NAV3: variants seen among roughly 807,000 people sequenced by gnomAD.
NAV3 encodes the protein neuron navigator 3, also known as pore membrane and/or filament interacting like protein 1.
In NAV3, 87 loss-of-function variants were observed where a neutral mutation model predicts 244.7. The observed-to-expected ratio is 0.36, with a 90% CI of 0.30 to 0.42. The LOEUF (loss-of-function observed/expected upper bound fraction) is 0.42. Ranked by LOEUF, NAV3 falls within the 20% of genes least tolerant of loss-of-function variation. The pLI, the probability that NAV3 is intolerant of heterozygous loss-of-function variation, is 1.00. For missense variants in NAV3, 2,663 were observed against 2,893.3 expected (o/e 0.92, Z 1.83); for synonymous variants, 1,126 against 1,042.2 (o/e 1.08, Z -1.55).
chr12:77,954,722 T>C (rs1317811692), intron 3 of NAV3, among the ~76,000 whole-genome samples: 6 of 152,286 alleles, frequency 3.9e-5, no homozygotes, highest in South Asian at 2.1e-4. Context: ...AACTGCAAAT[T>C]GCTCACATAG....
intron 2 of NAV3, among the ~76,000 whole-genome samples, chr12:77,646,472 CTT>C (rs1168584109): frequency 6.6e-6 from 1 of 152,142 alleles, no homozygotes; most frequent in Non-Finnish European, 1.5e-5. Context: ...TTCTCTCTCT[CTT>C]TCTTTCCCTT....
intron 2 of NAV3, among the ~76,000 whole-genome samples, chr12:77,804,715 AG>A (rs1245135892): frequency 6.6e-6 from 1 of 151,928 alleles, no homozygotes; most frequent in Non-Finnish European, 1.5e-5. Context: ...GAATAAAGTC[AG>A]TGGTAGCTTG....
intron 1 of NAV3, among the ~76,000 whole-genome samples, chr12:77,894,418 T>C (rs756983852): frequency 3.3e-5 from 5 of 152,162 alleles, no homozygotes; most frequent in African/African-American, 4.8e-5. Context: ...AATGTAATAA[T>C]TTAGATTTGC....
At position 78,178,049 on chromosome 12, in the gene NAV3, T is replaced by G. The variant is rs576649129; in HGVS notation, c.5363+364T>G. Among the ~76,000 whole-genome samples the G allele has an allele frequency of 6.6e-5, 10 of 152,046 alleles. No homozygotes were observed. In the South Asian group the frequency reaches 1.7e-3, roughly 25 times the overall value. ...CATGCATACCTACATATGATAAAAT[T>G]TAATTTAAAAATTAGGCACAATAAG... On this transcript the variant is annotated intron_variant, in intron 28 of 39. Coordinates refer to ENST00000397909, the MANE Select transcript of NAV3 (RefSeq NM_001024383.2).
intron 2 of NAV3, among the ~76,000 whole-genome samples, chr12:77,624,348 A>T (rs1871519614): frequency 6.6e-6 from 1 of 152,128 alleles, no homozygotes; most frequent in African/African-American, 2.4e-5. Context: ...AAAGGTGGAG[A>T]GGTAGCCCAA....
intron 1 of NAV3, among the ~76,000 whole-genome samples, chr12:77,914,837 CT>C (rs11394815): frequency 1.6e-3 from 225 of 143,772 alleles, no homozygotes; most frequent in African/African-American, 4.1e-3. Flanking sequence ...GATTCTTTGT[CT>C]TTTTTTTTTT....
intron 2 of NAV3, among the ~76,000 whole-genome samples, chr12:77,787,624 A>G (rs1870966176): frequency 6.6e-6 from 1 of 152,222 alleles, no homozygotes; most frequent in Admixed American, 6.5e-5. Context: ...TCATGAGAAC[A>G]GCAGCGAGGG....
In NAV3 at chr12:78,210,526, A is replaced by G. The variant is rs773107713; in HGVS notation, c.*9A>G. 1 of 1,608,522 alleles carries G rather than the reference A, an allele frequency of 6.2e-7. No homozygotes were observed. The highest frequency in any genetic ancestry group is 8.5e-7 in the Non-Finnish European group (1 of 1,178,370). On this transcript the variant is annotated 3_prime_UTR_variant, in exon 40 of 40. Coordinates refer to ENST00000397909, the MANE Select transcript of NAV3 (RefSeq NM_001024383.2). ...TTGAATCTACCCTCTAGAGGGTGAA[A>G]AAAGTTAAGGGAAAAGACTTTGCTT...
chr12:77,637,225 T>C (rs11106072), intron 2 of NAV3, among the ~76,000 whole-genome samples: 32,325 of 151,902 alleles, frequency 0.21, 3,556 homozygotes, highest in Admixed American at 0.27. Flanking sequence ...AAAATGACCA[T>C]AGCAATTTGC....
At chr12:77,582,981 A>G (rs555885813) in intron 2 of NAV3, among the ~76,000 whole-genome samples, 12 of 152,360 alleles carry the variant, frequency 7.9e-5, no homozygotes, top group African/African-American at 2.9e-4. Context: ...ATAGTGTTCT[A>G]TATAAATGGC....
At chr12:77,978,854 A>G (rs1275159509) in intron 5 of NAV3, among the ~76,000 whole-genome samples, 1 of 151,950 alleles carries the variant, frequency 6.6e-6, no homozygotes, top group Non-Finnish European at 1.5e-5. Context: ...TATAAAACAA[A>G]ATAACGATTG....
rs1052189893 is a variant in NAV3, at chr12:77,767,838, T to C, written c.73-172481T>C. Among the ~76,000 whole-genome samples the C allele has an allele frequency of 5.9e-5, 9 of 152,324 alleles. No homozygotes were observed. In the South Asian group the frequency reaches 1.0e-3, roughly 18 times the overall value. ...CTTTTTTCCTTCCCATTGCCTGCAA[T>C]GCAGTGAGCAAAGGAGGTGTGTGAC... On this transcript the variant is annotated intron_variant, in intron 2 of 8. Coordinates refer to the NAV3 transcript ENST00000550042.
chr12:77,598,376 C>A (rs1870265650), intron 2 of NAV3, among the ~76,000 whole-genome samples: 1 of 151,962 alleles, frequency 6.6e-6, no homozygotes, highest in Admixed American at 6.6e-5. Flanking sequence ...ATGTATCATA[C>A]CATTGACAAT....
intron 2 of NAV3, among the ~76,000 whole-genome samples, chr12:77,706,155 T>C (rs536611328): frequency 1.3e-5 from 2 of 151,364 alleles, no homozygotes; most frequent in African/African-American, 2.4e-5. Context: ...AGATATGAAT[T>C]AATAAAAAGT....
In NAV3 at chr12:78,118,296, C is replaced by G. The variant is rs528058733; in HGVS notation, c.3039C>G (p.Pro1013=). ...QKAGTSALKT[P]GKTDDAKASE... ...CTGGAACAAGTGCACTCAAAACACC[C>G]GGTAGGCTTGTCGTTTGCCAGCTGT... Residue 1013 remains proline, a splice_region_variant and synonymous_variant, in exon 14 of 40, where the codon CCC becomes CCG. Transcript: ENST00000397909. 3 of 1,589,294 alleles carry G rather than the reference C, an allele frequency of 1.9e-6. No individual in the cohort carries two copies. In the African/African-American group the frequency reaches 4.1e-5, roughly 22 times the overall value.
At chr12:77,736,861 G>A (rs1352659060) in intron 2 of NAV3, among the ~76,000 whole-genome samples, 1 of 152,172 alleles carries the variant, frequency 6.6e-6, no homozygotes. Flanking sequence ...GAGTGAAATG[G>A]TCAGGTAGGA....
intron 2 of NAV3, among the ~76,000 whole-genome samples, chr12:77,583,662 G>T (rs1221640113): frequency 6.6e-6 from 1 of 152,098 alleles, no homozygotes; most frequent in African/African-American, 2.4e-5. Context: ...TAAATTAGTG[G>T]TTTGACTAAA....
At chr12:77,889,313 G>A (rs1883666561) in intron 1 of NAV3, among the ~76,000 whole-genome samples, 1 of 152,148 alleles carries the variant, frequency 6.6e-6, no homozygotes, top group Non-Finnish European at 1.5e-5. Context: ...TCTGTCCTGG[G>A]ACTGCAGCTT....
chr12:78,130,049 T>G (rs554109372), intron 18 of NAV3, among the ~76,000 whole-genome samples: 30 of 152,282 alleles, frequency 2.0e-4, no homozygotes, highest in South Asian at 1.9e-3. Context: ...CCATATACAT[T>G]TGTAATGAGG....
Sources: allele counts gnomAD v4.1 joint callset (sites outside exome capture counted in the v4.1 genomes callset), GRCh38; gene constraint gnomAD v4.1.1; transcripts MANE v1.5; gene names NCBI Gene and HGNC (gene_info 2026-07-23, HGNC 2026-07-21).